DOCK10: variants seen among roughly 807,000 people sequenced by gnomAD.
The protein encoded by DOCK10 is dedicator of cytokinesis protein 10.
DOCK10 carries 145 observed loss-of-function variants against 280.1 expected under a neutral mutation model. The ratio of observed to expected loss-of-function variants is 0.52; its 90% CI spans 0.45 to 0.59. The LOEUF (loss-of-function observed/expected upper bound fraction) is 0.59. Ranked by LOEUF, DOCK10 falls within the 20% of genes least tolerant of loss-of-function variation. DOCK10 has a pLI of 0.00. For missense variants in DOCK10, 2,368 were observed against 2,651.7 expected, an observed-to-expected ratio of 0.89 and a Z score of 2.35; for synonymous variants, 915 against 942.2, an observed-to-expected ratio of 0.97 and a Z score of 0.53.
At chr2:224,975,566 T>C (rs1455759880) in intron 1 of DOCK10, among the ~76,000 whole-genome samples, 3 of 152,228 alleles carry the variant, frequency 2.0e-5, no homozygotes, top group Non-Finnish European at 2.9e-5. Flanking sequence ...CATTCTTTGA[T>C]AATAAAACTT....
chr2:224,873,111 C>A (rs1251782926), intron 11 of DOCK10, among the ~76,000 whole-genome samples: 1 of 152,110 alleles, frequency 6.6e-6, no homozygotes, highest in East Asian at 1.9e-4. Flanking sequence ...ATTTACATGT[C>A]CCATCCTACT....
chr2:224,897,911 C>T (rs1053979867), intron 3 of DOCK10, among the ~76,000 whole-genome samples: 5 of 152,136 alleles, frequency 3.3e-5, no homozygotes, highest in Non-Finnish European at 7.4e-5. Context: ...TTTGAGACTC[C>T]TTTCTATTCT....
At chr2:224,971,946 A>C (rs990748702) in intron 1 of DOCK10, among the ~76,000 whole-genome samples, 1 of 152,206 alleles carries the variant, frequency 6.6e-6, no homozygotes, top group African/African-American at 2.4e-5. Flanking sequence ...GTTTAAAGAA[A>C]ATATATTATT....
intron 1 of DOCK10, among the ~76,000 whole-genome samples, chr2:225,034,990 G>A (rs1489164524): frequency 2.0e-5 from 3 of 152,160 alleles, no homozygotes; most frequent in African/African-American, 7.2e-5. Context: ...GGGATGAGAA[G>A]GAGAAGTTGT....
rs1419848241 is a variant in DOCK10, at chr2:224,795,093, T to G, written c.4940A>C (p.Asn1647Thr). 1 of 1,613,598 alleles carries G rather than the reference T, an allele frequency of 6.2e-7. No homozygotes were observed. The highest frequency in any genetic ancestry group is 8.5e-7 in the Non-Finnish European group (1 of 1,179,652). ...CTTCACCTCTGCTGGGAAATTGCTG[T>G]TCTTTGGAAAAGAGAGAGCCTGGGT... The part of the protein sequence containing the change: ...NFANGDKQMK[N>T]SNFPAEVKDL... Residue 1647 changes from asparagine (N) to threonine (T), a missense_variant and splice_region_variant, in exon 45 of 56, where the codon AAC (asparagine) becomes ACC (threonine). Asn to Thr is a moderately conservative substitution (Grantham distance 65). Around this residue, in one of 2 missense-constraint regions of DOCK10, gnomAD observed 1,159 missense variants for 1,400.8 expected, o/e 0.83. Transcript: ENST00000258390.
intron 2 of DOCK10, among the ~76,000 whole-genome samples, chr2:224,929,619 A>C (rs1702214989): frequency 6.6e-6 from 1 of 152,198 alleles, no homozygotes; most frequent in South Asian, 2.1e-4. Context: ...CCATGGAATA[A>C]AATAGTTCAG....
At chr2:224,959,203 T>C (rs902442738) in intron 1 of DOCK10, among the ~76,000 whole-genome samples, 1 of 152,184 alleles carries the variant, frequency 6.6e-6, no homozygotes, top group African/African-American at 2.4e-5. Flanking sequence ...TCTCACTGCA[T>C]TCACAGTGAG....
intron 3 of DOCK10, among the ~76,000 whole-genome samples, chr2:224,916,057 C>T (rs1019819485): frequency 1.9e-4 from 29 of 152,350 alleles, no homozygotes; most frequent in South Asian, 1.2e-3. Flanking sequence ...AGGCTTGTGC[C>T]ATCCCCTTGG....
intron 39 of DOCK10, 42 bp from the exon 40 acceptor site, chr2:224,802,082 T>C: frequency 2.5e-6 from 4 of 1,595,122 alleles, no homozygotes; most frequent in Non-Finnish European, 3.4e-6. Flanking sequence ...TATTTGGGGA[T>C]GTTATAGCCA....
At position 224,852,312 on chromosome 2, in the gene DOCK10, G is replaced by T. The variant is rs1574938908; in HGVS notation, c.2142+65C>A. On this transcript the variant is annotated intron_variant, in intron 18 of 55. Transcript: ENST00000258390. The stretch of plus-strand genomic sequence containing the variant: ...ACACTCACATAAAAAGCCCTGCAAT[G>T]GTGGAAAGAATCCCTGCACCTGCCT... 14 of 1,261,642 alleles carry T rather than the reference G, an allele frequency of 1.1e-5. No individual in the cohort carries two copies. In the Middle Eastern group the frequency reaches 5.5e-4, roughly 50 times the overall value. 78.2% of individuals were successfully genotyped at this position (1,261,642 alleles called of 1,614,324 possible).
chr2:224,896,786 T>C (rs1174838223), intron 3 of DOCK10, among the ~76,000 whole-genome samples: 3 of 152,026 alleles, frequency 2.0e-5, no homozygotes, highest in African/African-American at 7.3e-5. Context: ...TGAAGACAGG[T>C]CTTGTGCCTC....
At chr2:225,017,705 C>CAAAAAAA (rs61170287) in intron 1 of DOCK10, among the ~76,000 whole-genome samples, 1 of 126,758 alleles carries the variant, frequency 7.9e-6, no homozygotes. Flanking sequence ...CCTACTGTTC[C>CAAAAAAA]AAAAAAAAAA....
Position 224,864,650 on chromosome 2 carries a change from T to A in DOCK10, c.1505A>T (p.His502Leu). ...KQAVFSVSNP[H>L]SEIVLVAKIE... ...TTTGGCCACCAAAACAATTTCAGAA[T>A]GTGGATTGCTTACAGAAAATACAGC... The change falls in exon 13 of 56, where the codon CAT becomes CTT. Residue 502 changes from histidine to leucine, a missense_variant. By Grantham distance (99) the His-to-Leu change is moderately conservative (BLOSUM62 -3). Transcript: ENST00000258390. 1 of 1,612,774 alleles carries A rather than the reference T, an allele frequency of 6.2e-7. No homozygotes were observed. The highest frequency in any genetic ancestry group is 8.5e-7 in the Non-Finnish European group (1 of 1,179,610).
At chr2:224,973,465 T>C (rs1388199320) in intron 1 of DOCK10, among the ~76,000 whole-genome samples, 1 of 152,026 alleles carries the variant, frequency 6.6e-6, no homozygotes, top group African/African-American at 2.4e-5. Flanking sequence ...TGGAAGACAC[T>C]ATGCTTCTGG....
chr2:224,984,195 G>A (rs994195020), intron 1 of DOCK10, among the ~76,000 whole-genome samples: 1 of 152,068 alleles, frequency 6.6e-6, no homozygotes, highest in Non-Finnish European at 1.5e-5. Flanking sequence ...CAGGCAGCAA[G>A]CTGCTAGCTG....
chr2:224,885,585 C>T, intron 7 of DOCK10, 86 bp downstream of exon 7: 1 of 1,352,324 alleles, frequency 7.4e-7, no homozygotes, highest in East Asian at 2.6e-5. Flanking sequence ...CAGCTCTTGG[C>T]TCATATCAGA....
chr2:224,778,055 C>A, intron 51 of DOCK10, 83 bp downstream of exon 51: 2 of 1,378,904 alleles, frequency 1.5e-6, no homozygotes, highest in Non-Finnish European at 2.0e-6. Context: ...CATCGTCAGG[C>A]AGAAAATGAA....
intron 11 of DOCK10, among the ~76,000 whole-genome samples, chr2:224,871,676 C>T (rs926120734): frequency 6.6e-6 from 1 of 152,102 alleles, no homozygotes; most frequent in Non-Finnish European, 1.5e-5. Context: ...TGTCTTGGTG[C>T]ATTTGTACTT....
intron 33 of DOCK10, among the ~76,000 whole-genome samples, chr2:224,806,569 A>C (rs1421452976): frequency 2.0e-5 from 3 of 152,158 alleles, no homozygotes; most frequent in Admixed American, 6.5e-5. Context: ...TATGTACATT[A>C]CTATTATTAG....
Sources: allele counts gnomAD v4.1 joint callset (sites outside exome capture counted in the v4.1 genomes callset), GRCh38; gene constraint gnomAD v4.1.1; regional missense constraint gnomAD v4.1.1; transcripts MANE v1.5; gene names NCBI Gene and HGNC (gene_info 2026-07-23, HGNC 2026-07-21).